Variants in RRBP1 observed in about 807,000 individuals in gnomAD.
RRBP1 encodes the protein ribosome-binding protein 1.
In RRBP1, 94 loss-of-function variants were observed where a neutral mutation model predicts 165.2. The observed-to-expected ratio is 0.57, with a 90% confidence interval of 0.48 to 0.68. The LOEUF is 0.68. Among genes scored for constraint, RRBP1 ranks in the 30% least tolerant of loss-of-function variants. The pLI is 0.00. For synonymous variants in RRBP1, 680 were observed against 714.5 expected (o/e 0.95, Z 0.77); for missense variants, 1,676 against 1,763.0 (o/e 0.95, Z 0.88).
At chr20:17,614,330 CA>C in intron 24 of RRBP1, 110 bp from the exon 25 acceptor site, 1 of 1,011,340 alleles carries the variant, frequency 9.9e-7, no homozygotes, top group Admixed American at 1.9e-5. Flanking sequence ...CCCCTCAAGC[CA>C]CTCCAGTCCC....
At chr20:17,624,907 G>A (rs1346269375) in intron 12 of RRBP1, among the ~76,000 whole-genome samples, 7 of 152,316 alleles carry the variant, frequency 4.6e-5, no homozygotes, top group South Asian at 4.1e-4. Flanking sequence ...GCGCCCTTTC[G>A]ATAAAGACAC....
At position 17,619,619 on chromosome 20, in the gene RRBP1, G is replaced by T; in HGVS notation, c.3675+14C>A. The T allele has an allele frequency of 6.3e-7, 1 of 1,599,624 alleles. No homozygotes were observed. The highest frequency in any genetic ancestry group is 8.5e-7 in the Non-Finnish European group (1 of 1,170,740). On this transcript the variant is annotated intron_variant, in intron 19 of 24. Coordinates refer to ENST00000377813, the MANE Select transcript of RRBP1 (RefSeq NM_001365613.2). ...TGCTGGGCAGGGGCTGCACTCCTTGGGGGGCAGACTCACCCCTGCCACCTC... is the reference window on the plus strand; with the variant it reads ...TGCTGGGCAGGGGCTGCACTCCTTGTGGGGCAGACTCACCCCTGCCACCTC...
Position 17,625,556 on chromosome 20 carries a change from T to C in RRBP1, c.3010A>G (p.Ile1004Val). 6.2e-6 allele frequency: 10 copies of C among 1,613,968 alleles called. No homozygotes were observed. Among genetic ancestry groups the C allele is most frequent in the East Asian group, 2.2e-5 (1 of 44,880 alleles). ...SQVSGLEKEA[I>V]ELREAVEQQK... ...TGCTCGACGGCCTCCCTGAGCTCGA[T>C]GGCCTCCTTCTCCAGACCCGACACC... Residue 1004 changes from isoleucine (I) to valine (V), a missense_variant, in exon 12 of 25, where the codon ATC (isoleucine) becomes GTC (valine). Coordinates refer to ENST00000377813, the MANE Select transcript of RRBP1 (RefSeq NM_001365613.2).
Position 17,626,442 on chromosome 20 carries a change from G to A in RRBP1, c.2964-840C>T, listed in dbSNP as rs140652914. On this transcript the variant is annotated intron_variant, in intron 11 of 24. Coordinates refer to ENST00000377813, the MANE Select transcript of RRBP1 (RefSeq NM_001365613.2). ...GGCTTCCTTTCCCAGTCCCCAAGCC[G>A]CAGAGCCCAAATGCCAGGGAACATG... Among the ~76,000 whole-genome samples, 880 of 152,318 alleles carry A rather than the reference G, an allele frequency of 5.8e-3. 2 individuals are homozygous for A. The highest frequency in any genetic ancestry group is 8.8e-3 in the Admixed American group (135 of 15,304).
intron 4 of RRBP1, among the ~76,000 whole-genome samples, chr20:17,642,603 C>T (rs561289559): frequency 2.0e-5 from 3 of 152,202 alleles, no homozygotes; most frequent in Non-Finnish European, 4.4e-5. Flanking sequence ...GCCTCTGAAC[C>T]TGCCCCCGGC....
rs554347885 is a variant in RRBP1, at chr20:17,681,796, C to G, written c.-99+232G>C. The stretch of plus-strand genomic sequence containing the variant: ...GACGGCGAGGGCCGCGGGGTCCACA[C>G]CACGGGGCGCGCCCTGCCTACGCCC... On this transcript the variant is annotated intron_variant, in intron 1 of 24. Transcript: ENST00000377813. Among the ~76,000 whole-genome samples the G allele has an allele frequency of 1.9e-3, 282 of 150,744 alleles. 2 individuals are homozygous for G. The highest frequency in any genetic ancestry group is 6.3e-3 in the African/African-American group (262 of 41,372).
intron 19 of RRBP1, chr20:17,619,006 T>C (rs12479750): frequency 0.16 from 51,199 of 316,920 alleles, 6,024 homozygotes; most frequent in East Asian, 0.5. Flanking sequence ...CACGCTGGTC[T>C]TGAACTCTTG....
At chr20:17,651,194 T>C (rs1227257452) in intron 3 of RRBP1, among the ~76,000 whole-genome samples, 2 of 152,330 alleles carry the variant, frequency 1.3e-5, no homozygotes, top group South Asian at 2.1e-4. Context: ...TAATGCTCCC[T>C]GCTCCCCAAA....
chr20:17,620,430 G>A, intron 17 of RRBP1, 60 bp from the exon 18 acceptor site: 2 of 1,465,170 alleles, frequency 1.4e-6, no homozygotes, highest in Non-Finnish European at 9.6e-7. Context: ...TCCTTCCGAG[G>A]CCATGCTAGG....
intron 11 of RRBP1, among the ~76,000 whole-genome samples, chr20:17,626,582 G>A (rs543927135): frequency 2.0e-5 from 3 of 152,282 alleles, no homozygotes; most frequent in Middle Eastern, 3.4e-3. Context: ...ACATCTGACC[G>A]TGTGCGAGGG....
Position 17,615,941 on chromosome 20 carries a change from C to G in RRBP1, c.3936G>C (p.Thr1312=), listed in dbSNP as rs11551704. 5.1e-4 allele frequency: 828 copies of G among 1,610,218 alleles called. 4 individuals carry two copies. In the African/African-American group the frequency reaches 8.7e-3, roughly 17 times the overall value. Residue 1312 remains threonine, a synonymous_variant, in exon 22 of 25, where the codon ACG becomes ACC. Transcript: ENST00000377813. The part of the protein sequence containing the change: ...EDEQTQRQKL[T]AEFEEAQTSA... ...AGGGCCTGACCTCCTCAAACTCGGC[C>G]GTGAGCTTCTGCCGCTGTGTCTGCT...
chr20:17,651,886 A>G (rs1354162608), intron 3 of RRBP1, among the ~76,000 whole-genome samples: 1 of 152,248 alleles, frequency 6.6e-6, no homozygotes, highest in Non-Finnish European at 1.5e-5. Flanking sequence ...AAATCAGAGC[A>G]GAAGTTCTGG....
chr20:17,618,317 G>A (rs1294400896), intron 20 of RRBP1, among the ~76,000 whole-genome samples: 2 of 152,150 alleles, frequency 1.3e-5, no homozygotes, highest in Non-Finnish European at 2.9e-5. Flanking sequence ...GAATGCAGAC[G>A]CCCAGAGCTC....
intron 5 of RRBP1, among the ~76,000 whole-genome samples, chr20:17,639,669 G>A (rs1022515942): frequency 1.1e-4 from 17 of 152,240 alleles, no homozygotes; most frequent in Non-Finnish European, 1.9e-4. Flanking sequence ...CGAGGTGGGC[G>A]GATCACCTGA....
intron 16 of RRBP1, 122 bp from the exon 17 acceptor site, chr20:17,620,929 G>A (rs1007762874): frequency 1.8e-5 from 13 of 705,442 alleles, no homozygotes; most frequent in Non-Finnish European, 2.8e-5. Flanking sequence ...CTTCATGAGC[G>A]CCAGCGTTAG....
intron 5 of RRBP1, among the ~76,000 whole-genome samples, chr20:17,640,027 CAATGTAAAATA>C (rs2036322406): frequency 6.6e-6 from 1 of 152,068 alleles, no homozygotes; most frequent in Admixed American, 6.5e-5. Flanking sequence ...TACAAGAAGA[CAATGTAAAATA>C]CTCAGAAATG....
rs758362592 is a variant in RRBP1, at chr20:17,658,745, T to G, written c.1763A>C (p.Lys588Thr). The G allele has an allele frequency of 2.5e-6, 4 of 1,612,738 alleles. No individual in the cohort carries two copies. In the African/African-American group the frequency reaches 5.3e-5, roughly 22 times the overall value. The change falls in exon 3 of 25, where the codon AAA becomes ACA. Residue 588 changes from lysine (K) to threonine (T), a missense_variant. Around this residue, in one of 5 missense-constraint regions of RRBP1, gnomAD observed 1,184 missense variants for 1,167.1 expected, o/e 1.01. Transcript: ENST00000377813. ...KKAEGSPNQG[K>T]KADAAANQGK... Reference sequence around the variant, plus strand: ...CTGATTGGCAGCTGCGTCTGCCTTTTTGCCTTGGTTGGGGGACCCTTCTGC... The same window carrying G: ...CTGATTGGCAGCTGCGTCTGCCTTTGTGCCTTGGTTGGGGGACCCTTCTGC...
intron 3 of RRBP1, among the ~76,000 whole-genome samples, chr20:17,651,651 G>A (rs557647371): frequency 3.3e-5 from 5 of 152,152 alleles, no homozygotes; most frequent in South Asian, 2.1e-4. Flanking sequence ...TTACCCCCCC[G>A]CCCCTCCACC....
intron 3 of RRBP1, among the ~76,000 whole-genome samples, chr20:17,649,326 G>C (rs1056012110): frequency 4.6e-5 from 7 of 152,196 alleles, no homozygotes; most frequent in African/African-American, 1.2e-4. Flanking sequence ...GGGAGGGGCT[G>C]CCCACACCGG....
Sources: allele counts gnomAD v4.1 joint callset (sites outside exome capture counted in the v4.1 genomes callset), GRCh38; gene constraint gnomAD v4.1.1; regional missense constraint gnomAD v4.1.1; transcripts MANE v1.5; gene names NCBI Gene and HGNC (gene_info 2026-07-23, HGNC 2026-07-21).